The following DPYD variants were observed in gnomAD, a reference collection of about 807,000 sequenced individuals.
DPYD encodes dihydropyrimidine dehydrogenase [NADP(+)].
A neutral mutation model predicts 116.2 loss-of-function variants in DPYD; 109 were observed. The observed-to-expected ratio is 0.94, with a 90% CI of 0.80 to 1.10. DPYD has a LOEUF of 1.10. Among genes scored for constraint, DPYD ranks in the 50% least tolerant of loss-of-function variants. The pLI, the probability that DPYD is intolerant of heterozygous loss-of-function variation, is 0.00. For synonymous variants in DPYD, 440 were observed against 432.0 expected (o/e 1.02, Z -0.23); for missense variants, 1,302 against 1,254.5 (o/e 1.04, Z -0.57).
At chr1:97,291,977 A>AT (rs918296629) in intron 18 of DPYD, among the ~76,000 whole-genome samples, 4 of 152,014 alleles carry the variant, frequency 2.6e-5, no homozygotes, top group Admixed American at 1.3e-4. Flanking sequence ...AACATTTTAA[A>AT]TTTTTTTTAC....
chr1:97,216,656 G>A (rs116375943), intron 19 of DPYD, among the ~76,000 whole-genome samples: 2,864 of 151,886 alleles, frequency 0.019, 45 homozygotes, highest in Non-Finnish European at 0.03. Flanking sequence ...ATAGCCAGAT[G>A]TGGTGGCGGG....
At chr1:97,388,451 A>G (rs1672484836) in intron 14 of DPYD, among the ~76,000 whole-genome samples, 1 of 152,060 alleles carries the variant, frequency 6.6e-6, no homozygotes, top group Admixed American at 6.6e-5. Context: ...GAGAAAAAGA[A>G]AGGCCCTAGG....
Position 97,435,037 on chromosome 1 carries a change from C to T in DPYD, c.1905+15022G>A, listed in dbSNP as rs1004282051. 1.8e-4 allele frequency among the ~76,000 whole-genome samples: 27 copies of T among 152,048 alleles called. No homozygotes were observed. The Middle Eastern group carries it at 0.014, about 77-fold the overall frequency. On this transcript the variant is annotated intron_variant, in intron 14 of 22. Coordinates refer to ENST00000370192, the MANE Select transcript of DPYD (RefSeq NM_000110.4). ...GTTATGTTTTCAATTTGTAAAACCC[C>T]TTTGTCAATTCTTGTTTCTTCTACT...
chr1:97,234,799 T>A, intron 19 of DPYD, 53 bp downstream of exon 19: 1 of 1,608,862 alleles, frequency 6.2e-7, no homozygotes, highest in Non-Finnish European at 8.5e-7. Context: ...ATAACTTACA[T>A]TGCATTTGTG....
intron 13 of DPYD, among the ~76,000 whole-genome samples, chr1:97,484,179 C>T (rs13375021): frequency 0.18 from 27,875 of 152,046 alleles, 2,849 homozygotes; most frequent in African/African-American, 0.27. Flanking sequence ...GCGGCTTGTG[C>T]CAGTAATCCC....
At chr1:97,442,707 C>T (rs538325108) in intron 14 of DPYD, among the ~76,000 whole-genome samples, 2 of 152,030 alleles carry the variant, frequency 1.3e-5, no homozygotes, top group East Asian at 3.9e-4. Flanking sequence ...TTGAAGGAAT[C>T]ACTGAAAAAC....
At chr1:97,340,378 G>T (rs1230471098) in intron 16 of DPYD, among the ~76,000 whole-genome samples, 1 of 152,040 alleles carries the variant, frequency 6.6e-6, no homozygotes, top group East Asian at 1.9e-4. Flanking sequence ...GAAAAAGTGG[G>T]AAATGATATA....
chr1:97,727,798 G>A (rs1432909177), intron 4 of DPYD, among the ~76,000 whole-genome samples: 1 of 151,854 alleles, frequency 6.6e-6, no homozygotes, highest in Non-Finnish European at 1.5e-5. Context: ...TCTTCCCACA[G>A]ATAATGTCAA....
At chr1:97,882,522 T>C (rs540935832) in intron 2 of DPYD, among the ~76,000 whole-genome samples, 2 of 152,150 alleles carry the variant, frequency 1.3e-5, no homozygotes, top group East Asian at 3.9e-4. Flanking sequence ...ACTCATTAAT[T>C]TGGGAATGTT....
At chr1:97,469,728 A>G (rs970481504) in intron 13 of DPYD, among the ~76,000 whole-genome samples, 6 of 152,196 alleles carry the variant, frequency 3.9e-5, no homozygotes, top group Non-Finnish European at 7.4e-5. Flanking sequence ...TCTTGGATCA[A>G]TTTTGTAATG....
At chr1:97,151,780 T>C (rs996450428) in intron 20 of DPYD, among the ~76,000 whole-genome samples, 1 of 152,142 alleles carries the variant, frequency 6.6e-6, no homozygotes, top group Non-Finnish European at 1.5e-5. Context: ...ACAGACAGAA[T>C]CCAAATCTTC....
intron 3 of DPYD, among the ~76,000 whole-genome samples, chr1:97,759,116 T>C (rs1016758063): frequency 6.6e-6 from 1 of 152,308 alleles, no homozygotes; most frequent in East Asian, 1.9e-4. Flanking sequence ...AGTGTACTTC[T>C]GTGGGACTAA....
At chr1:97,310,515 A>C (rs1027620640) in intron 16 of DPYD, among the ~76,000 whole-genome samples, 3 of 151,822 alleles carry the variant, frequency 2.0e-5, no homozygotes, top group African/African-American at 7.2e-5. Flanking sequence ...ATGTCAATAA[A>C]ACAGGACAGG....
chr1:97,844,197 C>T (rs894662646), intron 2 of DPYD, among the ~76,000 whole-genome samples: 2 of 152,138 alleles, frequency 1.3e-5, no homozygotes, highest in Admixed American at 6.5e-5. Context: ...CTTGCCAAAC[C>T]ATGGTGATAC....
At chr1:97,526,040 T>C (rs1649064566) in intron 12 of DPYD, among the ~76,000 whole-genome samples, 6 of 149,440 alleles carry the variant, frequency 4.0e-5, no homozygotes, top group African/African-American at 9.9e-5. Flanking sequence ...TCACATTAAA[T>C]GACACAAAGA....
At chr1:97,272,530 T>C (rs987251338) in intron 18 of DPYD, among the ~76,000 whole-genome samples, 1 of 152,182 alleles carries the variant, frequency 6.6e-6, no homozygotes, top group Non-Finnish European at 1.5e-5. Flanking sequence ...CTGGAAAACT[T>C]TGTTCAATCC....
intron 8 of DPYD, among the ~76,000 whole-genome samples, chr1:97,661,990 C>CTTTTTT (rs374466952): frequency 3.4e-5 from 4 of 116,634 alleles, no homozygotes; most frequent in Non-Finnish European, 5.3e-5. Context: ...TCCAAGTCAA[C>CTTTTTT]TTTTTTTTTT....
intron 16 of DPYD, among the ~76,000 whole-genome samples, chr1:97,361,703 C>T (rs1670735673): frequency 6.6e-6 from 1 of 152,302 alleles, no homozygotes; most frequent in Non-Finnish European, 1.5e-5. Flanking sequence ...ATGACAAAAA[C>T]CATATGATTA....
intron 18 of DPYD, among the ~76,000 whole-genome samples, chr1:97,274,763 C>T (rs940727002): frequency 6.6e-6 from 1 of 152,128 alleles, no homozygotes; most frequent in Non-Finnish European, 1.5e-5. Flanking sequence ...CAGGAAGTTG[C>T]TCCAGGTTGT....
Sources: allele counts gnomAD v4.1 joint callset (sites outside exome capture counted in the v4.1 genomes callset), GRCh38; gene constraint gnomAD v4.1.1; transcripts MANE v1.5; gene names NCBI Gene and HGNC (gene_info 2026-07-23, HGNC 2026-07-21).